GRM4: variants seen among roughly 807,000 people sequenced by gnomAD.
GRM4 encodes the protein metabotropic glutamate receptor 4.
Under a neutral mutation model 81.7 loss-of-function variants are expected in GRM4, and 28 were observed. The ratio of observed to expected loss-of-function variants is 0.34; its 90% confidence interval spans 0.25 to 0.47. The LOEUF is 0.47. GRM4 is among the 20% of genes least tolerant of loss of function. The probability of loss-of-function intolerance (pLI) is 1.00; values close to 1 mark genes in which losing one functional copy is unlikely to be tolerated. For synonymous variants in GRM4, 488 were observed against 528.8 expected (o/e 0.92, Z 1.06); for missense variants, 948 against 1,290.0 (o/e 0.73, Z 4.06).
intron 3 of GRM4, 192 bp from the exon 4 acceptor site, chr6:34,062,220 A>G: frequency 1.9e-6 from 1 of 522,590 alleles, no homozygotes; most frequent in East Asian, 3.1e-5. Context: ...TCTTGGCTCC[A>G]CTTACCAGCT....
intron 2 of GRM4, chr6:34,102,234 G>T: frequency 1.6e-6 from 2 of 1,268,988 alleles, no homozygotes; most frequent in Non-Finnish European, 2.2e-6. Context: ...GGGAGCCCCT[G>T]CCAAGTGCTA....
intron 6 of GRM4, chr6:34,055,371 G>C (rs1043824465): frequency 2.0e-5 from 3 of 152,190 alleles, no homozygotes; most frequent in Admixed American, 6.5e-5. Flanking sequence ...TTGGCTGTGA[G>C]CTTCTCTGGG....
intron 3 of GRM4, 120 bp downstream of exon 3, chr6:34,091,762 TG>T: frequency 1.4e-6 from 1 of 716,408 alleles, no homozygotes; most frequent in Non-Finnish European, 2.4e-6. Context: ...GAGGCCCACC[TG>T]GCAACAGCCA....
intron 1 of GRM4, among the ~76,000 whole-genome samples, chr6:34,142,852 G>C (rs1412580200): frequency 1.3e-5 from 2 of 152,242 alleles, no homozygotes; most frequent in Non-Finnish European, 2.9e-5. Flanking sequence ...GCCTACGCAA[G>C]GCCACTGAGG....
chr6:34,122,206 C>A (rs563830913), intron 2 of GRM4, among the ~76,000 whole-genome samples: 1 of 152,156 alleles, frequency 6.6e-6, no homozygotes. Flanking sequence ...AACACTCTCT[C>A]TCTGTGCTTG....
chr6:34,142,089 G>A (rs970434119), intron 1 of GRM4, among the ~76,000 whole-genome samples: 5 of 152,200 alleles, frequency 3.3e-5, no homozygotes, highest in South Asian at 4.1e-4. Context: ...AGCCCTCTCC[G>A]TTCTTTCCAG....
rs1765444352 is a variant in GRM4, at chr6:34,048,219, G to T, written c.1169-7471C>A. 6.6e-6 allele frequency among the ~76,000 whole-genome samples: 1 copy of T among 152,176 alleles called. No homozygotes were observed. The highest frequency in any genetic ancestry group is 1.5e-5 in the Non-Finnish European group (1 of 68,018). Reference sequence around the variant, plus strand: ...CGAGCCCCAGGGTCTGGTGGGGCCAGCTGGAAACCCCCACTCAGCCCCTTG... The same window carrying T: ...CGAGCCCCAGGGTCTGGTGGGGCCATCTGGAAACCCCCACTCAGCCCCTTG... On this transcript the variant is annotated intron_variant, in intron 6 of 10. Coordinates refer to ENST00000538487, the MANE Select transcript of GRM4 (RefSeq NM_000841.4). The surrounding 1 kb of genome is among the most constrained non-coding windows in gnomAD (Gnocchi z 4.0).
chr6:34,072,988 C>T (rs1485017916), intron 3 of GRM4, among the ~76,000 whole-genome samples: 1 of 113,646 alleles, frequency 8.8e-6, no homozygotes, highest in Non-Finnish European at 1.8e-5. Context: ...ACATACCACA[C>T]ACACACATCA....
In GRM4 at chr6:34,047,145, C is replaced by G. The variant is rs1765398598; in HGVS notation, c.1169-6397G>C. ...TGGGAGGACTGAGGGAGATGCAACA[C>G]CATGTCTTGTGCACAGAAGTCCTCT... On this transcript the variant is annotated intron_variant, in intron 6 of 10. Transcript: ENST00000538487. The surrounding 1 kb of genome is among the most constrained non-coding windows in gnomAD (Gnocchi z 4.5). Among the ~76,000 whole-genome samples the G allele has an allele frequency of 6.6e-6, 1 of 152,234 alleles. No individual in the cohort carries two copies. Among genetic ancestry groups the G allele is most frequent in the East Asian group, 1.9e-4 (1 of 5,172 alleles).
At chr6:34,054,546 T>C (rs1432916966) in intron 6 of GRM4, 1 of 152,318 alleles carries the variant, frequency 6.6e-6, no homozygotes, top group Non-Finnish European at 1.5e-5. Context: ...CCCTTAGGAC[T>C]GCTGGAGAGT....
intron 1 of GRM4, among the ~76,000 whole-genome samples, chr6:34,141,542 G>C (rs1770691385): frequency 6.6e-6 from 1 of 152,200 alleles, no homozygotes; most frequent in Non-Finnish European, 1.5e-5. Flanking sequence ...TAAATGGTGA[G>C]GTTAATAATA....
chr6:34,102,060 G>A (rs1296858049), intron 2 of GRM4: 10 of 1,535,504 alleles, frequency 6.5e-6, no homozygotes, highest in African/African-American at 2.7e-5. Flanking sequence ...GAAGTCCTAA[G>A]GGTCCTCTTT....
intron 2 of GRM4, chr6:34,102,013 G>A: frequency 6.5e-7 from 1 of 1,535,542 alleles, no homozygotes; most frequent in East Asian, 2.4e-5. Context: ...CTCTCACCAG[G>A]ATCCTTACCT....
intron 2 of GRM4, among the ~76,000 whole-genome samples, chr6:34,109,463 C>A (rs865957544): frequency 1.8e-4 from 27 of 152,156 alleles, no homozygotes; most frequent in African/African-American, 6.3e-4. Context: ...TGCAGAGGGG[C>A]CACCCACCCC....
chr6:34,040,543 C>G lies in GRM4; in HGVS notation c.1369+5G>C. On this transcript the variant is annotated splice_donor_5th_base_variant and intron_variant, in intron 7 of 10. Coordinates refer to ENST00000538487, the MANE Select transcript of GRM4 (RefSeq NM_000841.4). Reference sequence around the variant, plus strand: ...GGTCAGGCACAGTCCGCACCACACCCCCACCTGAGAAGTTGACGTTTCGGA... The same window carrying G: ...GGTCAGGCACAGTCCGCACCACACCGCCACCTGAGAAGTTGACGTTTCGGA... 1 of 1,610,698 alleles carries G rather than the reference C, an allele frequency of 6.2e-7. No individual in the cohort carries two copies. The highest frequency in any genetic ancestry group is 8.5e-7 in the Non-Finnish European group (1 of 1,178,226).
chr6:34,032,426 G>A (rs78873172), intron 9 of GRM4, among the ~76,000 whole-genome samples: 2,818 of 152,294 alleles, frequency 0.019, 34 homozygotes, highest in Non-Finnish European at 0.026. Flanking sequence ...CTTGCAGCTC[G>A]GCATGACATG....
chr6:34,120,538 C>T (rs1769768294), intron 2 of GRM4, among the ~76,000 whole-genome samples: 1 of 152,200 alleles, frequency 6.6e-6, no homozygotes, highest in Non-Finnish European at 1.5e-5. Flanking sequence ...AGGCACTTAA[C>T]ATTTCCTCGC....
intron 3 of GRM4, chr6:34,091,573 C>T (rs975571662): frequency 1.1e-5 from 4 of 368,632 alleles, no homozygotes; most frequent in Admixed American, 8.6e-5. Context: ...CTCGTCCCCA[C>T]CCCATCCCTT....
At chr6:34,028,557 T>C (rs1055393104) in intron 9 of GRM4, among the ~76,000 whole-genome samples, 191 bp from the exon 10 acceptor site, 1 of 152,236 alleles carries the variant, frequency 6.6e-6, no homozygotes, top group Non-Finnish European at 1.5e-5. Context: ...AGCTGTGTGA[T>C]ATTAGACACG....
Sources: allele counts gnomAD v4.1 joint callset (sites outside exome capture counted in the v4.1 genomes callset), GRCh38; gene constraint gnomAD v4.1.1; non-coding constraint Gnocchi (gnomAD v3.1); transcripts MANE v1.5; gene names NCBI Gene and HGNC (gene_info 2026-07-23, HGNC 2026-07-21).